Variants in MROH2B observed in about 807,000 individuals in gnomAD.
MROH2B encodes maestro heat-like repeat-containing protein family member 2B.
Under a neutral mutation model 208.6 loss-of-function variants are expected in MROH2B, and 177 were observed. The ratio of observed to expected loss-of-function variants is 0.85; its 90% CI spans 0.75 to 0.96. MROH2B has a LOEUF of 0.96. Among genes scored for constraint, MROH2B ranks in the 40% least tolerant of loss-of-function variants. MROH2B has a pLI of 0.00. For missense variants in MROH2B, 2,002 were observed against 1,878.7 expected (o/e 1.07, Z -1.21); for synonymous variants, 728 against 659.0 (o/e 1.10, Z -1.60).
chr5:41,000,812 T>TCA lies in MROH2B; in HGVS notation c.4214_4215dup (p.Thr1406Ter). 1 of 1,611,464 alleles carries TCA rather than the reference T, an allele frequency of 6.2e-7. No homozygotes were observed. On this transcript the variant is annotated frameshift_variant, in exon 38 of 42. Transcript: ENST00000399564. LOFTEE classifies it high-confidence loss of function. ...AGGTCCTCAAATAAGAAGATGGCAGTCAATCTCACATCATCCTGCTCCTGT... is the reference window on the plus strand; with the variant it reads ...AGGTCCTCAAATAAGAAGATGGCAGTCACAATCTCACATCATCCTGCTCCTGT...
In MROH2B at chr5:41,065,426, T is replaced by C; in HGVS notation, c.266A>G (p.Asn89Ser). Reference protein sequence around the residue: ...VLVSLAAHDFNSVMYEVQSNF... With the variant: ...VLVSLAAHDFSSVMYEVQSNF... ...ACTTTGTACTTCATACATCACAGAGTTGAAATCATGTGCAGCAAGAGACAC... is the reference window on the plus strand; with the variant it reads ...ACTTTGTACTTCATACATCACAGAGCTGAAATCATGTGCAGCAAGAGACAC... The change falls in exon 4 of 42, where the codon AAC becomes AGC. Residue 89 changes from asparagine to serine, a missense_variant. Asn to Ser is a conservative substitution (Grantham distance 46, BLOSUM62 1). Transcript: ENST00000399564. 1 of 1,613,458 alleles carries C rather than the reference T, an allele frequency of 6.2e-7. No homozygotes were observed. Among genetic ancestry groups the C allele is most frequent in the Non-Finnish European group, 8.5e-7 (1 of 1,179,682 alleles).
At chr5:41,054,722 A>G in intron 11 of MROH2B, 45 bp downstream of exon 11, 1 of 1,418,394 alleles carries the variant, frequency 7.1e-7, no homozygotes, top group Non-Finnish European at 9.7e-7. Context: ...AATTTCATTC[A>G]TTCTTAAAGC....
At chr5:40,999,523 G>T (rs1229228430) in intron 40 of MROH2B, among the ~76,000 whole-genome samples, 154 bp downstream of exon 40, 1 of 152,176 alleles carries the variant, frequency 6.6e-6, no homozygotes, top group Non-Finnish European at 1.5e-5. Context: ...TTTGAGGGAG[G>T]ATGTTACATG....
At chr5:41,066,097 T>G (rs1048330093) in intron 3 of MROH2B, among the ~76,000 whole-genome samples, 3 of 152,152 alleles carry the variant, frequency 2.0e-5, no homozygotes, top group Non-Finnish European at 4.4e-5. Flanking sequence ...TATGTTTAAG[T>G]GATGCAAATT....
intron 1 of MROH2B, 113 bp downstream of exon 1, chr5:41,070,712 T>G: frequency 1.0e-6 from 1 of 994,248 alleles, no homozygotes; most frequent in Non-Finnish European, 1.5e-6. Flanking sequence ...TCCTTTGAGG[T>G]GTACAGTCCT....
In MROH2B at chr5:41,016,214, G is replaced by A. The variant is rs535897941; in HGVS notation, c.2885-736C>T. ...AAACTGAGAAGTGTCCATGAGTATC[G>A]ATGGGTATTTAATTTAGTATCACAC... On this transcript the variant is annotated intron_variant, in intron 28 of 41. Coordinates refer to ENST00000399564, the MANE Select transcript of MROH2B (RefSeq NM_173489.5). 5.9e-3 allele frequency among the ~76,000 whole-genome samples: 775 copies of A among 132,074 alleles called. 8 individuals are homozygous for A. Among genetic ancestry groups the A allele is most frequent in the African/African-American group, 0.02 (736 of 36,178 alleles). 86.6% of individuals were successfully genotyped at this position (132,074 alleles called of 152,430 possible).
intron 6 of MROH2B, among the ~76,000 whole-genome samples, chr5:41,059,153 G>A (rs1208051556): frequency 6.6e-6 from 1 of 151,476 alleles, no homozygotes; most frequent in Non-Finnish European, 1.5e-5. Flanking sequence ...GGAGCAAAGC[G>A]TTTCCAAGGT....
intron 30 of MROH2B, among the ~76,000 whole-genome samples, chr5:41,011,987 A>G (rs1313552366): frequency 6.6e-6 from 1 of 152,108 alleles, no homozygotes; most frequent in East Asian, 1.9e-4. Flanking sequence ...CTTCTTATTA[A>G]TGTTTGAATA....
At chr5:41,005,888 A>T (rs1741571733) in intron 34 of MROH2B, among the ~76,000 whole-genome samples, 1 of 151,840 alleles carries the variant, frequency 6.6e-6, no homozygotes. Flanking sequence ...AAAATTAGCC[A>T]GGCATGGTGG....
At chr5:41,026,332 G>T (rs1203426690) in intron 24 of MROH2B, among the ~76,000 whole-genome samples, 12 of 152,184 alleles carry the variant, frequency 7.9e-5, no homozygotes, top group Admixed American at 2.6e-4. Context: ...AGCAACTTCA[G>T]CAAAGTCTCA....
chr5:41,041,956 G>T, intron 19 of MROH2B, 136 bp downstream of exon 19: 1 of 452,336 alleles, frequency 2.2e-6, no homozygotes. Context: ...GAAAAATTCT[G>T]TTAGGCTATT....
intron 6 of MROH2B, among the ~76,000 whole-genome samples, chr5:41,058,520 C>T (rs1480064515): frequency 6.6e-6 from 1 of 151,986 alleles, no homozygotes; most frequent in African/African-American, 2.4e-5. Context: ...TGCAGTGGCA[C>T]GATCTCAGCT....
chr5:41,067,328 A>T (rs955282451), intron 2 of MROH2B, 110 bp from the exon 3 acceptor site: 2 of 629,664 alleles, frequency 3.2e-6, no homozygotes, highest in African/African-American at 1.9e-5. Context: ...TTTACTACAC[A>T]ATGGATTTCA....
Position 40,998,163 on chromosome 5 carries a change from A to T in MROH2B, c.4652-5T>A. 6.2e-7 allele frequency: 1 copy of T among 1,602,158 alleles called. No individual in the cohort carries two copies. Among genetic ancestry groups the T allele is most frequent in the South Asian group, 1.1e-5 (1 of 90,288 alleles). On this transcript the variant is annotated splice_region_variant and splice_polypyrimidine_tract_variant and intron_variant, in intron 41 of 41. Transcript: ENST00000399564. ...CTTGACGAAGTGCTTGGAGTCCTGA[A>T]ATGGCAAGAATAGCAAATAAGTGGA...
intron 19 of MROH2B, among the ~76,000 whole-genome samples, chr5:41,040,271 G>T (rs1427577249): frequency 6.6e-6 from 1 of 152,138 alleles, no homozygotes; most frequent in East Asian, 1.9e-4. Context: ...ACACTCTGAG[G>T]TTATATATTC....
intron 37 of MROH2B, among the ~76,000 whole-genome samples, chr5:41,003,889 G>A (rs1741484144): frequency 6.6e-6 from 1 of 152,164 alleles, no homozygotes; most frequent in Non-Finnish European, 1.5e-5. Flanking sequence ...CTCTGCCTAG[G>A]ACTGCTGACT....
chr5:41,014,649 G>A (rs916014145), intron 29 of MROH2B, among the ~76,000 whole-genome samples: 2 of 152,128 alleles, frequency 1.3e-5, no homozygotes, highest in African/African-American at 4.8e-5. Context: ...CCTTGGATCA[G>A]CCTCCAGTTA....
chr5:41,047,785 A>G, intron 16 of MROH2B, 21 bp from the exon 17 acceptor site: 1 of 1,567,126 alleles, frequency 6.4e-7, no homozygotes, highest in South Asian at 1.2e-5. Flanking sequence ...AAATTGATGT[A>G]ATAATCGCAA....
Position 41,019,018 on chromosome 5 carries a change from A to G in MROH2B, c.2442T>C (p.Ser814=). The change falls in exon 25 of 42, where the codon AGT becomes AGC. Residue 814 remains serine, a splice_region_variant and synonymous_variant. Coordinates refer to ENST00000399564, the MANE Select transcript of MROH2B (RefSeq NM_173489.5). ...WKALIAIRYL[S]KLKPQLSLQD... is the part of the protein sequence containing the mutation. ...GTAGTGAGAGCTGAGGTTTCAGTTT[A>G]CTGAAATGAGAACCAGGTGGAGGAA... 1 of 1,613,864 alleles carries G rather than the reference A, an allele frequency of 6.2e-7. No individual in the cohort carries two copies. Among genetic ancestry groups the G allele is most frequent in the Non-Finnish European group, 8.5e-7 (1 of 1,179,846 alleles).
Sources: allele counts gnomAD v4.1 joint callset (sites outside exome capture counted in the v4.1 genomes callset), GRCh38; gene constraint gnomAD v4.1.1; transcripts MANE v1.5; gene names NCBI Gene and HGNC (gene_info 2026-07-23, HGNC 2026-07-21).